The following ACSS3 variants were observed in gnomAD, a reference collection of about 807,000 sequenced individuals.
ACSS3 encodes acyl-CoA synthetase short-chain family member 3, mitochondrial.
In ACSS3, 64 loss-of-function variants were observed where a neutral mutation model predicts 84.2. The ratio of observed to expected loss-of-function variants is 0.76; its 90% CI spans 0.62 to 0.94. ACSS3 has a LOEUF of 0.94. Ranked by LOEUF, ACSS3 falls within the 40% of genes least tolerant of loss-of-function variation. The pLI is 0.00. For synonymous variants in ACSS3, 317 were observed against 310.1 expected (o/e 1.02, Z -0.23); for missense variants, 815 against 867.6 (o/e 0.94, Z 0.76).
At chr12:81,168,996 T>G (rs560741884) in intron 7 of ACSS3, among the ~76,000 whole-genome samples, 7 of 152,192 alleles carry the variant, frequency 4.6e-5, no homozygotes, top group Non-Finnish European at 1.0e-4. Context: ...TTAGAATAAC[T>G]AAAACACAAC....
chr12:81,211,019 C>T (rs1017290232), intron 9 of ACSS3, among the ~76,000 whole-genome samples: 2 of 151,956 alleles, frequency 1.3e-5, no homozygotes, highest in Admixed American at 6.6e-5. Context: ...CTTTGTTGCC[C>T]AGGCTGGAGT....
chr12:81,107,640 G>T (rs952187866), intron 1 of ACSS3, among the ~76,000 whole-genome samples: 14 of 147,390 alleles, frequency 9.5e-5, no homozygotes, highest in African/African-American at 3.5e-4. Context: ...TTGTTGGTGT[G>T]TTAGATATTT....
chr12:81,223,284 A>G (rs1207527535), intron 11 of ACSS3, among the ~76,000 whole-genome samples: 3 of 152,014 alleles, frequency 2.0e-5, no homozygotes, highest in Admixed American at 6.6e-5. Context: ...AGGGAGTTGT[A>G]TGGAATTGTC....
chr12:81,251,337 A>G (rs2034144152), intron 13 of ACSS3, among the ~76,000 whole-genome samples: 1 of 152,172 alleles, frequency 6.6e-6, no homozygotes. Flanking sequence ...TCAGGCATGT[A>G]CAGAGTAGAC....
Position 81,139,116 on chromosome 12 carries a change from A to AT in ACSS3, c.646-9dup. 1.2e-6 allele frequency: 2 copies of AT among 1,609,000 alleles called. No homozygotes were observed. Among genetic ancestry groups the AT allele is most frequent in the Non-Finnish European group, 1.7e-6 (2 of 1,177,682 alleles). On this transcript the variant is annotated splice_polypyrimidine_tract_variant and intron_variant, in intron 3 of 15. Transcript: ENST00000548058. ...TTGTTAAAGCTTTCTCTCCATTATT[A>AT]TTTTTTAATTGTAGCCCAAGGTGGT...
intron 1 of ACSS3, 62 bp downstream of exon 1, chr12:81,078,493 C>G (rs900768470): frequency 7.0e-6 from 11 of 1,563,272 alleles, no homozygotes; most frequent in African/African-American, 1.4e-5. Flanking sequence ...GCGCCAGGAC[C>G]TCCCTGGGAC....
rs1457377083 is a variant in ACSS3 at position 81,143,156 on chromosome 12, T to C, written c.830T>C (p.Met277Thr). 1.2e-6 allele frequency: 2 copies of C among 1,613,882 alleles called. No individual in the cohort carries two copies. The highest frequency in any genetic ancestry group is 2.2e-5 in the East Asian group (1 of 44,882). The part of the protein sequence containing the change: ...PGRDLDWDEE[M>T]AKAQSHDCVP... Reference sequence around the variant, plus strand: ...CGTGACCTTGATTGGGATGAAGAGATGGCAAAAGCCCAGTCACATGACTGT... The same window carrying C: ...CGTGACCTTGATTGGGATGAAGAGACGGCAAAAGCCCAGTCACATGACTGT... The change falls in exon 5 of 16, where the codon ATG becomes ACG. Residue 277 changes from methionine to threonine, a missense_variant. Transcript: ENST00000548058.
At chr12:81,119,294 A>T (rs2121529276) in intron 2 of ACSS3, among the ~76,000 whole-genome samples, 1 of 152,316 alleles carries the variant, frequency 6.6e-6, no homozygotes, top group African/African-American at 2.4e-5. Flanking sequence ...CAAAGGGCAA[A>T]GCAAAGATCA....
At chr12:81,229,368 A>T (rs1044980855) in intron 11 of ACSS3, among the ~76,000 whole-genome samples, 1 of 151,804 alleles carries the variant, frequency 6.6e-6, no homozygotes, top group Non-Finnish European at 1.5e-5. Context: ...GTGATTTGCC[A>T]CTTTTTTCCT....
At chr12:81,253,877 A>G (rs1199567358) in intron 15 of ACSS3, among the ~76,000 whole-genome samples, 2 of 152,166 alleles carry the variant, frequency 1.3e-5, no homozygotes, top group Non-Finnish European at 2.9e-5. Context: ...CAGATTAGTT[A>G]AGAACATATG....
At chr12:81,096,719 G>A (rs1316717409) in intron 1 of ACSS3, among the ~76,000 whole-genome samples, 1 of 151,992 alleles carries the variant, frequency 6.6e-6, no homozygotes, top group Non-Finnish European at 1.5e-5. Context: ...AGAACATGTG[G>A]TGTTTGGTTT....
At chr12:81,194,910 G>C (rs989499193) in intron 8 of ACSS3, among the ~76,000 whole-genome samples, 1 of 151,864 alleles carries the variant, frequency 6.6e-6, no homozygotes, top group South Asian at 2.1e-4. Context: ...AAGATATCAG[G>C]TGTCCCTTGG....
chr12:81,229,279 T>A (rs148961913), intron 11 of ACSS3, among the ~76,000 whole-genome samples: 2 of 151,786 alleles, frequency 1.3e-5, no homozygotes, highest in East Asian at 3.9e-4. Context: ...GAATGAATCT[T>A]CATCAGGTTT....
In ACSS3 at chr12:81,121,277, C is replaced by T. The variant is rs149819763; in HGVS notation, c.456+11573C>T. Among the ~76,000 whole-genome samples, 545 of 152,208 alleles carry T rather than the reference C, an allele frequency of 3.6e-3. 3 individuals are homozygous for T. Among genetic ancestry groups the T allele is most frequent in the African/African-American group, 0.012 (517 of 41,510 alleles). On this transcript the variant is annotated intron_variant, in intron 2 of 15. Transcript: ENST00000548058. ...GTTTTATGTACTGCCGGTGGAAGTG[C>T]TGGGGGTGTTTGTTTAATTAGAACT...
intron 9 of ACSS3, among the ~76,000 whole-genome samples, chr12:81,201,649 C>T (rs946721134): frequency 1.3e-4 from 20 of 152,142 alleles, no homozygotes; most frequent in Non-Finnish European, 2.8e-4. Context: ...TGTGCTGTCA[C>T]TGTAATCAGG....
At chr12:81,094,588 C>A (rs985403265) in intron 1 of ACSS3, 1 of 152,140 alleles carries the variant, frequency 6.6e-6, no homozygotes, top group Non-Finnish European at 1.5e-5. Context: ...TTAATAGGAG[C>A]TCATATTCAA....
In ACSS3 at chr12:81,248,023, A is replaced by T. The variant is rs376335173; in HGVS notation, c.1720-5284A>T. On this transcript the variant is annotated intron_variant, in intron 13 of 15. Coordinates refer to ENST00000548058, the MANE Select transcript of ACSS3 (RefSeq NM_024560.4). ...CATTTTATGAGTAATTATTAGAAAGACAAAAAAGTGTGTAAGTTATTGTTA... is the reference window on the plus strand; with the variant it reads ...CATTTTATGAGTAATTATTAGAAAGTCAAAAAAGTGTGTAAGTTATTGTTA... Among the ~76,000 whole-genome samples, 16 of 152,238 alleles carry T rather than the reference A, an allele frequency of 1.1e-4. No homozygotes were observed. The East Asian group carries it at 3.1e-3, about 29-fold the overall frequency.
chr12:81,097,065 A>G (rs1347142457), intron 1 of ACSS3, among the ~76,000 whole-genome samples: 1 of 152,224 alleles, frequency 6.6e-6, no homozygotes, highest in African/African-American at 2.4e-5. Context: ...TGGAGAAACT[A>G]AATTTTAAAT....
rs1395458028 is a variant in ACSS3 at position 81,231,083 on chromosome 12, C to G, written c.1541C>G (p.Ser514Ter). The G allele has an allele frequency of 2.5e-6, 4 of 1,610,798 alleles. No individual in the cohort carries two copies. In the East Asian group the frequency reaches 8.9e-5, roughly 36 times the overall value. ...TTACCATTGCCACCTGGGGCTTTTTCAGGACTCTGGAAGAATCAGGAAGCA... is the reference window on the plus strand; with the variant it reads ...TTACCATTGCCACCTGGGGCTTTTTGAGGACTCTGGAAGAATCAGGAAGCA... Reference protein sequence around the residue: ...VKLPLPPGAFSGLWKNQEAFK... With the variant: ...VKLPLPPGAF The change falls in exon 12 of 16, where the codon TCA becomes TGA. Residue 514 changes from serine (S) to a stop codon, truncating the protein, a stop_gained. Coordinates refer to ENST00000548058, the MANE Select transcript of ACSS3 (RefSeq NM_024560.4). LOFTEE classifies it high-confidence loss of function.
Sources: allele counts gnomAD v4.1 joint callset (sites outside exome capture counted in the v4.1 genomes callset), GRCh38; gene constraint gnomAD v4.1.1; transcripts MANE v1.5; gene names NCBI Gene and HGNC (gene_info 2026-07-23, HGNC 2026-07-21).